Variants in MARK1 observed in about 807,000 individuals in gnomAD.
MARK1 encodes serine/threonine-protein kinase MARK1.
In MARK1, 40 loss-of-function variants were observed where a neutral mutation model predicts 96.3. The ratio of observed to expected loss-of-function variants is 0.42; its 90% CI spans 0.32 to 0.54. The LOEUF is 0.54. Ranked by LOEUF, MARK1 falls within the 20% of genes least tolerant of loss-of-function variation. The probability of loss-of-function intolerance (pLI) is 0.16; values close to 1 mark genes in which losing one functional copy is unlikely to be tolerated. For synonymous variants in MARK1, 317 were observed against 341.2 expected (o/e 0.93, Z 0.78); for missense variants, 719 against 984.6 (o/e 0.73, Z 3.61).
At chr1:220,612,368 G>GT (rs1259366842) in intron 6 of MARK1, among the ~76,000 whole-genome samples, 2 of 152,076 alleles carry the variant, frequency 1.3e-5, no homozygotes, top group African/African-American at 4.8e-5. Flanking sequence ...AATTGGCTTG[G>GT]TTTTTTAAAT....
At chr1:220,631,225 G>T in intron 10 of MARK1, 91 bp downstream of exon 10, 1 of 681,322 alleles carries the variant, frequency 1.5e-6, no homozygotes, top group Non-Finnish European at 2.5e-6. Flanking sequence ...AGTATAAATA[G>T]GAAGCAATTT....
At chr1:220,653,395 T>A in intron 16 of MARK1, 43 bp downstream of exon 16, 1 of 1,576,972 alleles carries the variant, frequency 6.3e-7, no homozygotes, top group South Asian at 1.2e-5. Context: ...CTCTAGAAAT[T>A]ATAAAGGAAA....
chr1:220,549,550 G>A (rs555309922), intron 1 of MARK1, among the ~76,000 whole-genome samples: 71 of 152,280 alleles, frequency 4.7e-4, no homozygotes, highest in African/African-American at 1.5e-3. Flanking sequence ...TTTACAACAT[G>A]AGGTCTTTCT....
chr1:220,533,669 T>A (rs745819195), intron 1 of MARK1, among the ~76,000 whole-genome samples: 2 of 152,220 alleles, frequency 1.3e-5, no homozygotes, highest in Non-Finnish European at 2.9e-5. Flanking sequence ...TCTATTGATA[T>A]ACATTGTTTC....
At chr1:220,625,411 TTTGA>T (rs1667270386) in intron 9 of MARK1, among the ~76,000 whole-genome samples, 1 of 151,724 alleles carries the variant, frequency 6.6e-6, no homozygotes, top group African/African-American at 2.4e-5. Flanking sequence ...TGGATCATTC[TTTGA>T]TTGGGTTTAT....
At chr1:220,583,469 A>G (rs1664382365) in intron 3 of MARK1, among the ~76,000 whole-genome samples, 1 of 152,238 alleles carries the variant, frequency 6.6e-6, no homozygotes, top group Admixed American at 6.5e-5. Flanking sequence ...TTCCCATAAT[A>G]TGCTCATATT....
chr1:220,618,540 T>C lies in MARK1; in HGVS notation c.783T>C (p.Asn261=), dbSNP rs1426951374. Residue 261 remains asparagine, a synonymous_variant, in exon 8 of 18, where the codon AAT becomes AAC. Transcript: ENST00000366917. The surrounding 1 kb of genome is among the most constrained non-coding windows in gnomAD (Gnocchi z 4.6). The stretch of plus-strand genomic sequence containing the variant: ...GCTCCTTGCCTTTCGATGGCCAGAA[T>C]TTAAAGGTATCAGCTAAATTCTTTA... ...VSGSLPFDGQ[N]LKELRERVLR... 6.2e-7 allele frequency: 1 copy of C among 1,613,946 alleles called. No individual in the cohort carries two copies. The highest frequency in any genetic ancestry group is 1.3e-5 in the African/African-American group (1 of 74,938).
intron 17 of MARK1, among the ~76,000 whole-genome samples, chr1:220,659,396 G>A (rs755504342): frequency 1.1e-4 from 17 of 152,182 alleles, no homozygotes; most frequent in Admixed American, 2.6e-4. Flanking sequence ...CTCAGCCAGA[G>A]TGCATGGGTT....
chr1:220,585,786 A>T (rs989918643), intron 3 of MARK1, among the ~76,000 whole-genome samples: 1 of 152,178 alleles, frequency 6.6e-6, no homozygotes. Context: ...ATGTCTTGAG[A>T]ATTACCTGAA....
At chr1:220,581,314 C>T (rs1021693281) in intron 3 of MARK1, among the ~76,000 whole-genome samples, 196 bp downstream of exon 3, 3 of 152,000 alleles carry the variant, frequency 2.0e-5, no homozygotes, top group Non-Finnish European at 2.9e-5. Flanking sequence ...TACTTAAATA[C>T]ATGTAGTATA....
chr1:220,652,521 T>C (rs992278754), intron 15 of MARK1, among the ~76,000 whole-genome samples: 9 of 152,194 alleles, frequency 5.9e-5, no homozygotes, highest in Non-Finnish European at 1.0e-4. Flanking sequence ...CAATTCCTTG[T>C]TCTTAATAAA....
At chr1:220,628,881 G>A (rs1031308994) in intron 9 of MARK1, among the ~76,000 whole-genome samples, 2 of 150,498 alleles carry the variant, frequency 1.3e-5, no homozygotes, top group African/African-American at 2.5e-5. Context: ...GAACCCAAGA[G>A]TTCAAGCCTG....
chr1:220,651,699 C>T (rs1668886793), intron 14 of MARK1, among the ~76,000 whole-genome samples: 1 of 152,040 alleles, frequency 6.6e-6, no homozygotes, highest in Non-Finnish European at 1.5e-5. Context: ...CTGAAACTAT[C>T]GTATATCCAC....
intron 2 of MARK1, among the ~76,000 whole-genome samples, chr1:220,580,393 T>G (rs1441495367): frequency 1.3e-5 from 2 of 152,134 alleles, no homozygotes; most frequent in Non-Finnish European, 2.9e-5. Flanking sequence ...TGAGGATTAC[T>G]TGAGCCCGGG....
chr1:220,604,203 C>T (rs1665928347), intron 6 of MARK1, 66 bp downstream of exon 6: 2 of 952,978 alleles, frequency 2.1e-6, no homozygotes, highest in African/African-American at 1.7e-5. Flanking sequence ...GACAGTATTA[C>T]AAACTGGACT....
intron 1 of MARK1, among the ~76,000 whole-genome samples, chr1:220,548,177 C>A (rs1369387850): frequency 6.6e-6 from 1 of 152,182 alleles, no homozygotes; most frequent in Non-Finnish European, 1.5e-5. Flanking sequence ...TATGTAGATA[C>A]AGTATTTGCT....
In MARK1 at chr1:220,588,470, G is replaced by A. The variant is rs1664791013; in HGVS notation, c.309+7352G>A. Among the ~76,000 whole-genome samples, 3 of 152,084 alleles carry A rather than the reference G, an allele frequency of 2.0e-5. No homozygotes were observed. The South Asian group carries it at 6.2e-4, about 32-fold the overall frequency. On this transcript the variant is annotated intron_variant, in intron 3 of 17. Coordinates refer to ENST00000366917, the MANE Select transcript of MARK1 (RefSeq NM_018650.5). ...GTTATCAAGTTTATAAAGAAATACTGAATAATTATTTTACTGTTGTAGTTA... is the reference window on the plus strand; with the variant it reads ...GTTATCAAGTTTATAAAGAAATACTAAATAATTATTTTACTGTTGTAGTTA...
chr1:220,532,984 C>G (rs535890565), intron 1 of MARK1, among the ~76,000 whole-genome samples: 1 of 147,542 alleles, frequency 6.8e-6, no homozygotes, highest in East Asian at 2.0e-4. Context: ...CACTCCAGCC[C>G]GGGTGACAGA....
chr1:220,591,310 C>G (rs991802615), intron 3 of MARK1, among the ~76,000 whole-genome samples: 5 of 152,160 alleles, frequency 3.3e-5, no homozygotes, highest in African/African-American at 1.2e-4. Context: ...CAGGAAACAT[C>G]AGTATGTTTC....
Sources: gnomAD v4.1 joint callset for allele counts (sites outside exome capture counted in the v4.1 genomes callset) on GRCh38, gnomAD v4.1.1 for gene constraint, Gnocchi (gnomAD v3.1) non-coding constraint, MANE v1.5 for transcripts, NCBI Gene and HGNC (gene_info 2026-07-23, HGNC 2026-07-21) for gene names.